Variants in CCDC73 observed in about 807,000 individuals in gnomAD.
CCDC73 encodes the protein coiled-coil domain-containing protein 73.
In CCDC73, 95 loss-of-function variants were observed where a neutral mutation model predicts 116.5. That is an observed-to-expected ratio of 0.82 (90% CI 0.69 to 0.97). The LOEUF (loss-of-function observed/expected upper bound fraction) is 0.97, where lower values mean the gene tolerates loss of function less well. CCDC73 is among the 50% of genes least tolerant of loss of function. The pLI is 0.00. For missense variants in CCDC73, 1,066 were observed against 1,206.8 expected, an observed-to-expected ratio of 0.88 and a Z score of 1.73; for synonymous variants, 398 against 401.3, an observed-to-expected ratio of 0.99 and a Z score of 0.10.
the CCDC73 span, among the ~76,000 whole-genome samples, chr11:32,820,616 T>C: frequency 3.3e-5 from 5 of 152,192 alleles, no homozygotes; most frequent in Admixed American, 2.6e-4. Flanking sequence ...AATAATCTCT[T>C]GTTAAGTTTA....
intron 9 of CCDC73, among the ~76,000 whole-genome samples, chr11:32,656,596 A>G (rs1461269971): frequency 6.6e-6 from 1 of 152,230 alleles, no homozygotes; most frequent in Non-Finnish European, 1.5e-5. Flanking sequence ...GTGATACCGC[A>G]GCAGCAGCAT....
intron 13 of CCDC73, among the ~76,000 whole-genome samples, chr11:32,639,362 T>C (rs895591922): frequency 1.2e-4 from 19 of 152,210 alleles, no homozygotes; most frequent in African/African-American, 4.6e-4. Flanking sequence ...TGATAATCCT[T>C]GTATTTTAGG....
At chr11:32,712,614 T>C (rs1274585837) in intron 3 of CCDC73, among the ~76,000 whole-genome samples, 1 of 151,934 alleles carries the variant, frequency 6.6e-6, no homozygotes, top group Non-Finnish European at 1.5e-5. Context: ...AAAAACTCAT[T>C]GCTTATTTCT....
chr11:32,760,287 A>AT, intron 1 of CCDC73, 29 bp from the exon 2 acceptor site: 1 of 1,301,862 alleles, frequency 7.7e-7, no homozygotes, highest in Middle Eastern at 2.4e-4. Context: ...TTAACTGAAA[A>AT]AAAATTATCT....
chr11:32,653,887 A>G (rs1855848531), intron 11 of CCDC73, 91 bp downstream of exon 11: 4 of 1,395,416 alleles, frequency 2.9e-6, no homozygotes, highest in African/African-American at 2.9e-5. Flanking sequence ...CTGAGTGCCT[A>G]CTATGTGCTA....
intron 14 of CCDC73, among the ~76,000 whole-genome samples, chr11:32,619,223 G>T (rs1225357684): frequency 1.3e-5 from 2 of 152,258 alleles, no homozygotes; most frequent in Non-Finnish European, 2.9e-5. Flanking sequence ...TGAGAACTTA[G>T]TCATAAATTC....
At chr11:32,813,360 G>A in the CCDC73 span, among the ~76,000 whole-genome samples, 1,592 of 151,990 alleles carry the variant, frequency 0.01, 29 homozygotes, top group African/African-American at 0.036. Flanking sequence ...GAGCTCAAGC[G>A]ATCCTCCCCC....
chr11:32,684,247 C>T (rs1856173910), intron 6 of CCDC73, among the ~76,000 whole-genome samples: 1 of 151,930 alleles, frequency 6.6e-6, no homozygotes, highest in African/African-American at 2.4e-5. Flanking sequence ...GAGACAGGGT[C>T]CCACTATGTT....
chr11:32,733,382 T>C (rs1725620496), intron 2 of CCDC73, among the ~76,000 whole-genome samples: 1 of 151,990 alleles, frequency 6.6e-6, no homozygotes, highest in Non-Finnish European at 1.5e-5. Context: ...TTAAAAAGGG[T>C]ATCCAGGAAT....
intron 14 of CCDC73, among the ~76,000 whole-genome samples, chr11:32,618,210 A>G (rs1855491865): frequency 6.6e-6 from 1 of 152,170 alleles, no homozygotes; most frequent in South Asian, 2.1e-4. Flanking sequence ...ACATGACTGT[A>G]TTCTTTTTTA....
At chr11:32,665,683 C>G (rs940389646) in intron 9 of CCDC73, among the ~76,000 whole-genome samples, 3 of 152,134 alleles carry the variant, frequency 2.0e-5, no homozygotes, top group South Asian at 2.1e-4. Context: ...TGTTATGTGT[C>G]AATTTGATTC....
intron 12 of CCDC73, among the ~76,000 whole-genome samples, chr11:32,644,786 G>A (rs1855762294): frequency 6.6e-6 from 1 of 152,086 alleles, no homozygotes; most frequent in African/African-American, 2.4e-5. Flanking sequence ...TCAATAATCT[G>A]TTTTCTGTCT....
chr11:32,627,942 C>T (rs994291769), intron 14 of CCDC73, among the ~76,000 whole-genome samples: 2 of 152,060 alleles, frequency 1.3e-5, no homozygotes, highest in Non-Finnish European at 1.5e-5. Context: ...GCAGGTTGTG[C>T]ACATATACCC....
At chr11:32,766,017 T>C (rs1850438008) in intron 1 of CCDC73, among the ~76,000 whole-genome samples, 1 of 152,202 alleles carries the variant, frequency 6.6e-6, no homozygotes. Context: ...AAGAGAATTT[T>C]AGGCCAATAT....
intron 17 of CCDC73, chr11:32,604,584 A>G (rs889768546): frequency 2.0e-5 from 3 of 152,154 alleles, no homozygotes; most frequent in Admixed American, 6.5e-5. Context: ...TTTATATGCT[A>G]TGTTAAACAT....
intron 14 of CCDC73, among the ~76,000 whole-genome samples, chr11:32,616,587 C>G (rs1003876861): frequency 4.6e-5 from 7 of 152,222 alleles, no homozygotes; most frequent in Admixed American, 2.0e-4. Flanking sequence ...CCCACACTAT[C>G]CTCCTGCCTC....
chr11:32,830,310 A>G, the CCDC73 span: 1 of 843,524 alleles, frequency 1.2e-6, no homozygotes, highest in Non-Finnish European at 1.6e-6. Flanking sequence ...CGGCAGGGTC[A>G]CTGGGCACGG....
chr11:32,785,668 T>C (rs1472910857), intron 1 of CCDC73, among the ~76,000 whole-genome samples: 1 of 152,102 alleles, frequency 6.6e-6, no homozygotes, highest in Admixed American at 6.6e-5. Context: ...GCCTCCAAAG[T>C]GCTAGGATTA....
intron 17 of CCDC73, among the ~76,000 whole-genome samples, chr11:32,609,856 T>C (rs1855397412): frequency 6.6e-6 from 1 of 152,006 alleles, no homozygotes; most frequent in South Asian, 2.1e-4. Context: ...CTCGGCTCAC[T>C]GCAAGCTCCA....
Sources: gnomAD v4.1 joint callset for allele counts (sites outside exome capture counted in the v4.1 genomes callset) on GRCh38, gnomAD v4.1.1 for gene constraint, MANE v1.5 for transcripts, NCBI Gene and HGNC (gene_info 2026-07-23, HGNC 2026-07-21) for gene names.